The following CRIM1 variants were observed in gnomAD, a reference collection of about 807,000 sequenced individuals.
CRIM1 encodes the protein cysteine rich transmembrane BMP regulator 1, also known as cysteine-rich motor neuron 1 protein.
CRIM1 carries 32 observed loss-of-function variants against 116.4 expected under a neutral mutation model. The observed-to-expected ratio is 0.27, with a 90% CI of 0.21 to 0.37. The LOEUF (loss-of-function observed/expected upper bound fraction) is 0.37, where lower values mean the gene tolerates loss of function less well. Among genes scored for constraint, CRIM1 ranks in the 10% least tolerant of loss-of-function variants. The pLI is 1.00. For synonymous variants in CRIM1, 590 were observed against 509.2 expected, an observed-to-expected ratio of 1.16 and a Z score of -2.13; for missense variants, 1,331 against 1,354.8, an observed-to-expected ratio of 0.98 and a Z score of 0.28.
intron 15 of CRIM1, among the ~76,000 whole-genome samples, chr2:36,546,366 T>C (rs920636953): frequency 6.6e-6 from 1 of 152,160 alleles, no homozygotes; most frequent in African/African-American, 2.4e-5. Flanking sequence ...TAGTCACCTA[T>C]GCGATATAAT....
intron 5 of CRIM1, 67 bp from the exon 6 acceptor site, chr2:36,476,822 A>G: frequency 7.3e-7 from 1 of 1,372,704 alleles, no homozygotes; most frequent in South Asian, 1.4e-5. Context: ...AGGCTGTTTG[A>G]AAAACATCAA....
At chr2:36,533,653 G>A (rs1666271548) in intron 13 of CRIM1, among the ~76,000 whole-genome samples, 1 of 152,122 alleles carries the variant, frequency 6.6e-6, no homozygotes, top group East Asian at 1.9e-4. Context: ...CAGAGTGGTT[G>A]TTCTTTCTCA....
chr2:36,403,506 A>G (rs1387881712), intron 2 of CRIM1, among the ~76,000 whole-genome samples: 7 of 152,204 alleles, frequency 4.6e-5, no homozygotes, highest in Non-Finnish European at 8.8e-5. Context: ...ACTCTGAGAA[A>G]TTTGTTGATT....
chr2:36,531,884 A>T (rs1337448086), intron 13 of CRIM1: 4 of 470,484 alleles, frequency 8.5e-6, no homozygotes, highest in Non-Finnish European at 1.8e-5. Flanking sequence ...AAAGAAAAGA[A>T]GATGTTTGTC....
At position 36,408,107 on chromosome 2, in the gene CRIM1, A is replaced by G. The variant is rs537540503; in HGVS notation, c.505+11320A>G. ...CATCTGGGCTTTATTTCAGGATTAA[A>G]TAGAATGTACTTACTATGTGTTTTT... On this transcript the variant is annotated intron_variant, in intron 2 of 16. Coordinates refer to ENST00000280527, the MANE Select transcript of CRIM1 (RefSeq NM_016441.3). Among the ~76,000 whole-genome samples, 6 of 152,332 alleles carry G rather than the reference A, an allele frequency of 3.9e-5. No individual in the cohort carries two copies. In the East Asian group the frequency reaches 1.2e-3, roughly 29 times the overall value.
At chr2:36,465,123 A>G (rs1216687809) in intron 5 of CRIM1, among the ~76,000 whole-genome samples, 1 of 152,216 alleles carries the variant, frequency 6.6e-6, no homozygotes. Context: ...GATCTTAGCC[A>G]AAAGGCTGAG....
intron 14 of CRIM1, among the ~76,000 whole-genome samples, chr2:36,541,740 C>T (rs1666957360): frequency 6.6e-6 from 1 of 152,148 alleles, no homozygotes; most frequent in Non-Finnish European, 1.5e-5. Flanking sequence ...CCGTGATCTT[C>T]GTGGTAGGGC....
intron 3 of CRIM1, among the ~76,000 whole-genome samples, chr2:36,441,946 G>A (rs1443079392): frequency 1.3e-5 from 2 of 152,160 alleles, no homozygotes; most frequent in East Asian, 3.9e-4. Flanking sequence ...AACGCCAGAA[G>A]TTTCATAATG....
At chr2:36,521,479 G>T (rs1293062684) in intron 12 of CRIM1, among the ~76,000 whole-genome samples, 1 of 152,084 alleles carries the variant, frequency 6.6e-6, no homozygotes, top group East Asian at 1.9e-4. Context: ...AGTAAATAGA[G>T]GTCTATTTTA....
chr2:36,477,503 C>T (rs1679077361), intron 6 of CRIM1, among the ~76,000 whole-genome samples: 1 of 152,220 alleles, frequency 6.6e-6, no homozygotes, highest in African/African-American at 2.4e-5. Flanking sequence ...GAGGAACTAA[C>T]TCTGCCACTG....
intron 2 of CRIM1, among the ~76,000 whole-genome samples, chr2:36,405,363 T>C (rs1672706461): frequency 6.6e-6 from 1 of 152,172 alleles, no homozygotes; most frequent in Non-Finnish European, 1.5e-5. Flanking sequence ...CCTGCTGCCA[T>C]TGCATAAGTA....
At position 36,356,551 on chromosome 2, in the gene CRIM1, G is replaced by A. The variant is rs769214755; in HGVS notation, c.259G>A (p.Gly87Arg). ...CGGGATTTACGGAACCTGCGACCGG[G>A]GGCTGCGTTGTGTCATCCGCCCCCC... ...TFGIYGTCDR[G>R]LRCVIRPPLN... The change falls in exon 1 of 17, where the codon GGG (glycine) becomes AGG (arginine). Residue 87 changes from glycine to arginine, a missense_variant. Physicochemically the swap from Gly to Arg is moderately radical, Grantham distance 125. Coordinates refer to ENST00000280527, the MANE Select transcript of CRIM1 (RefSeq NM_016441.3). This position sits in a 1 kb window ranked among gnomAD's most constrained non-coding sequence, Gnocchi z 4.3. 3 of 1,612,670 alleles carry A rather than the reference G, an allele frequency of 1.9e-6. No homozygotes were observed. Among genetic ancestry groups the A allele is most frequent in the Non-Finnish European group, 1.7e-6 (2 of 1,179,860 alleles).
intron 4 of CRIM1, among the ~76,000 whole-genome samples, chr2:36,457,640 C>T (rs889645256): frequency 2.0e-5 from 3 of 151,918 alleles, no homozygotes; most frequent in African/African-American, 7.3e-5. Context: ...TGGTGAGGCA[C>T]GAGGAAAACT....
At chr2:36,448,835 T>C (rs1032407560) in intron 4 of CRIM1, among the ~76,000 whole-genome samples, 2 of 152,170 alleles carry the variant, frequency 1.3e-5, no homozygotes, top group Non-Finnish European at 2.9e-5. Context: ...AAACTTAAAA[T>C]AGAGTTTCTT....
chr2:36,433,018 G>A (rs1043934855), intron 2 of CRIM1, among the ~76,000 whole-genome samples: 1 of 152,172 alleles, frequency 6.6e-6, no homozygotes, highest in African/African-American at 2.4e-5. Context: ...CCCACTCCCA[G>A]CATTTCTGAT....
chr2:36,421,362 C>T (rs1674051392), intron 2 of CRIM1, among the ~76,000 whole-genome samples: 1 of 152,104 alleles, frequency 6.6e-6, no homozygotes. Context: ...AATGCTTACT[C>T]ACTATTACAA....
intron 1 of CRIM1, among the ~76,000 whole-genome samples, chr2:36,388,131 A>C (rs1008636634): frequency 1.3e-5 from 2 of 152,160 alleles, no homozygotes; most frequent in Admixed American, 1.3e-4. Context: ...AGAAACTTCC[A>C]AATATATACA....
chr2:36,547,127 A>C lies in CRIM1; in HGVS notation c.2890A>C (p.Lys964Gln). ...AGCATTCCTATTCATCAATCAGAAG[A>C]AACAGTGGATACCACTGCTTTGCTG... ...IIAFLFINQK[K>Q]QWIPLLCWYR... is the part of the protein sequence containing the mutation. Residue 964 changes from lysine (K) to glutamine (Q), a missense_variant, in exon 16 of 17, where the codon AAA becomes CAA. Lys to Gln is a moderately conservative substitution (Grantham distance 53, BLOSUM62 1). Transcript: ENST00000280527. 1.2e-6 allele frequency: 2 copies of C among 1,613,448 alleles called. No homozygotes were observed. Among genetic ancestry groups the C allele is most frequent in the Non-Finnish European group, 1.7e-6 (2 of 1,179,556 alleles).
chr2:36,477,149 G>A lies in CRIM1; in HGVS notation c.1174+78G>A, dbSNP rs1171711331. On this transcript the variant is annotated intron_variant, in intron 6 of 16. Coordinates refer to ENST00000280527, the MANE Select transcript of CRIM1 (RefSeq NM_016441.3). ...CTAAAATCAAAATCGTCCTAATTCAGTCTCATCCAAAAGTAAAGGAATATT... is the reference window on the plus strand; with the variant it reads ...CTAAAATCAAAATCGTCCTAATTCAATCTCATCCAAAAGTAAAGGAATATT... 6 of 1,168,368 alleles carry A rather than the reference G, an allele frequency of 5.1e-6. No individual in the cohort carries two copies. In the African/African-American group the frequency reaches 7.9e-5, roughly 15 times the overall value. The allele number at this position is 1,168,368 out of a possible 1,614,324, so 72.4% of individuals were successfully genotyped here. A position where few individuals can be genotyped will look rare whatever the true frequency, so the allele number is the denominator to read the frequency against.
Sources: gnomAD v4.1 joint callset for allele counts (sites outside exome capture counted in the v4.1 genomes callset) on GRCh38, gnomAD v4.1.1 for gene constraint, Gnocchi (gnomAD v3.1) non-coding constraint, MANE v1.5 for transcripts, NCBI Gene and HGNC (gene_info 2026-07-23, HGNC 2026-07-21) for gene names.